AP3B1: variants seen among roughly 807,000 people sequenced by gnomAD.
AP3B1 encodes the protein adaptor related protein complex 3 subunit beta 1, also known as AP-3 complex subunit beta-1.
A neutral mutation model predicts 132.5 loss-of-function variants in AP3B1; 61 were observed. The ratio of observed to expected loss-of-function variants is 0.46; its 90% CI spans 0.37 to 0.57. AP3B1 has a LOEUF of 0.57. Among genes scored for constraint, AP3B1 ranks in the 20% least tolerant of loss-of-function variants. AP3B1 has a pLI of 0.00. For missense variants in AP3B1, 1,120 were observed against 1,289.4 expected (o/e 0.87, Z 2.01); for synonymous variants, 388 against 438.3 (o/e 0.89, Z 1.43).
intron 7 of AP3B1, among the ~76,000 whole-genome samples, chr5:78,193,556 A>C (rs1651375160): frequency 6.6e-6 from 1 of 151,190 alleles, no homozygotes; most frequent in Non-Finnish European, 1.5e-5. Flanking sequence ...CTAATATCTA[A>C]TTTTAATATT....
At chr5:78,219,367 AC>A (rs1746087783) in intron 6 of AP3B1, among the ~76,000 whole-genome samples, 1 of 152,170 alleles carries the variant, frequency 6.6e-6, no homozygotes, top group African/African-American at 2.4e-5. Flanking sequence ...AACAAGAGAA[AC>A]TTATTAATTT....
intron 7 of AP3B1, among the ~76,000 whole-genome samples, chr5:78,213,044 AT>A (rs1289221853): frequency 6.6e-6 from 1 of 150,812 alleles, no homozygotes; most frequent in East Asian, 1.9e-4. Context: ...TGCCCGGCTA[AT>A]TTTTTTTGTA....
chr5:78,097,108 G>A (rs1162470275), intron 21 of AP3B1, among the ~76,000 whole-genome samples: 2 of 123,274 alleles, frequency 1.6e-5, no homozygotes, highest in East Asian at 2.3e-4. Flanking sequence ...CGGGAGGGAG[G>A]TAGGGGGTCA....
At chr5:78,148,077 T>C (rs1387374878) in intron 14 of AP3B1, among the ~76,000 whole-genome samples, 1 of 151,846 alleles carries the variant, frequency 6.6e-6, no homozygotes, top group Non-Finnish European at 1.5e-5. Flanking sequence ...AAAGAAAGTT[T>C]ACACATCAAA....
chr5:78,238,978 T>C (rs1383481644), intron 3 of AP3B1, among the ~76,000 whole-genome samples: 1 of 149,666 alleles, frequency 6.7e-6, no homozygotes, highest in East Asian at 2.0e-4. Context: ...ATAAAAATGA[T>C]AATAAAAAGA....
At chr5:78,126,155 C>T (rs573798892) in intron 17 of AP3B1, among the ~76,000 whole-genome samples, 19 of 151,720 alleles carry the variant, frequency 1.3e-4, no homozygotes, top group East Asian at 7.7e-4. Flanking sequence ...AAAGTATGTC[C>T]GTAGGAGGAA....
At position 78,089,229 on chromosome 5, in the gene AP3B1, G is replaced by A. The variant is rs981757746; in HGVS notation, c.2577+164C>T. 5.0e-6 allele frequency: 3 copies of A among 596,670 alleles called. No individual in the cohort carries two copies. The African/African-American group carries it at 5.6e-5, about 11-fold the overall frequency. The allele number at this position is 596,670 out of a possible 1,614,324, so 37.0% of individuals were successfully genotyped here. A position where few individuals can be genotyped will look rare whatever the true frequency, so the allele number is the denominator to read the frequency against. ...AAAAAAATTGAGAAGATAATGGTTT[G>A]AGTAAATTATTTAAAAAATTAAAAG... is the stretch of plus-strand genomic sequence containing the variant. On this transcript the variant is annotated intron_variant, in intron 22 of 26. Coordinates refer to ENST00000255194, the MANE Select transcript of AP3B1 (RefSeq NM_003664.5).
chr5:78,244,717 C>T (rs1747299573), intron 2 of AP3B1, among the ~76,000 whole-genome samples: 1 of 152,032 alleles, frequency 6.6e-6, no homozygotes, highest in Non-Finnish European at 1.5e-5. Context: ...GAAATTGTGG[C>T]CAGGTGCGGT....
At chr5:78,162,044 AT>A (rs1437892009) in intron 13 of AP3B1, among the ~76,000 whole-genome samples, 18 of 152,268 alleles carry the variant, frequency 1.2e-4, no homozygotes, top group African/African-American at 4.3e-4. Context: ...AATAATTTCA[AT>A]GATTTTACAA....
chr5:78,252,287 T>G (rs1222434969), intron 2 of AP3B1, among the ~76,000 whole-genome samples: 2 of 152,232 alleles, frequency 1.3e-5, no homozygotes, highest in East Asian at 3.9e-4. Flanking sequence ...GCAAAACTCC[T>G]GCTTGAGAAC....
At chr5:78,031,331 C>T (rs996394979) in intron 24 of AP3B1, among the ~76,000 whole-genome samples, 1 of 152,156 alleles carries the variant, frequency 6.6e-6, no homozygotes, top group Non-Finnish European at 1.5e-5. Flanking sequence ...AATGGCCTTT[C>T]CTCCCCACCA....
chr5:78,133,753 A>G (rs983609876), intron 15 of AP3B1, among the ~76,000 whole-genome samples: 1 of 152,172 alleles, frequency 6.6e-6, no homozygotes. Context: ...AAAATATTCA[A>G]TATCATATAT....
At chr5:78,114,179 T>C (rs752395077) in intron 18 of AP3B1, among the ~76,000 whole-genome samples, 1 of 152,168 alleles carries the variant, frequency 6.6e-6, no homozygotes, top group Non-Finnish European at 1.5e-5. Context: ...GTGAACCAAG[T>C]AAACCAAATT....
intron 13 of AP3B1, among the ~76,000 whole-genome samples, chr5:78,159,752 T>G (rs1305634899): frequency 6.6e-6 from 1 of 152,240 alleles, no homozygotes; most frequent in Non-Finnish European, 1.5e-5. Context: ...GCAATAATTC[T>G]GCCTACCACA....
intron 22 of AP3B1, among the ~76,000 whole-genome samples, chr5:78,070,940 A>G (rs1272826955): frequency 6.6e-6 from 1 of 152,232 alleles, no homozygotes; most frequent in African/African-American, 2.4e-5. Flanking sequence ...AGAAATAGGA[A>G]TGCTTTTACA....
intron 11 of AP3B1, among the ~76,000 whole-genome samples, chr5:78,175,215 T>C (rs1744099323): frequency 6.6e-6 from 1 of 152,186 alleles, no homozygotes; most frequent in African/African-American, 2.4e-5. Flanking sequence ...GCTCACCCTC[T>C]GGGGCTGCAC....
chr5:78,067,697 A>G (rs1749350984), intron 22 of AP3B1, among the ~76,000 whole-genome samples: 2 of 152,206 alleles, frequency 1.3e-5, no homozygotes, highest in Admixed American at 6.5e-5. Flanking sequence ...AGAAATCAAG[A>G]AGTTCTTTGA....
chr5:78,023,179 G>A (rs774721346), intron 24 of AP3B1, among the ~76,000 whole-genome samples: 1 of 152,174 alleles, frequency 6.6e-6, no homozygotes, highest in Non-Finnish European at 1.5e-5. Flanking sequence ...AAGGAGTTTA[G>A]GGACTTAAAG....
intron 22 of AP3B1, among the ~76,000 whole-genome samples, chr5:78,066,331 A>G (rs1326594846): frequency 6.6e-6 from 1 of 152,214 alleles, no homozygotes; most frequent in East Asian, 1.9e-4. Context: ...GAACTGACAG[A>G]AGTAGGCTTT....
Sources: gnomAD v4.1 joint callset for allele counts (sites outside exome capture counted in the v4.1 genomes callset) on GRCh38, gnomAD v4.1.1 for gene constraint, MANE v1.5 for transcripts, NCBI Gene and HGNC (gene_info 2026-07-23, HGNC 2026-07-21) for gene names.